SEPTIN10: variants seen among roughly 807,000 people sequenced by gnomAD.
SEPTIN10 encodes septin-10.
Under a neutral mutation model 54.8 loss-of-function variants are expected in SEPTIN10, and 66 were observed. The ratio of observed to expected loss-of-function variants is 1.21; its 90% CI spans 0.99 to 1.48. SEPTIN10 has a LOEUF of 1.48. Ranked by LOEUF, SEPTIN10 falls within the 40% of genes most tolerant of loss-of-function variation. The pLI is 0.00. For synonymous variants in SEPTIN10, 161 were observed against 181.0 expected (o/e 0.89, Z 0.89); for missense variants, 620 against 545.6 (o/e 1.14, Z -1.36).
At chr2:109,613,669 G>A (rs1699806989) in intron 1 of SEPTIN10, 129 bp downstream of exon 1, 1 of 600,840 alleles carries the variant, frequency 1.7e-6, no homozygotes, top group East Asian at 4.2e-5. Context: ...GGGAGCACTG[G>A]GCGGGCGGGG....
intron 1 of SEPTIN10, among the ~76,000 whole-genome samples, chr2:109,599,523 A>G (rs1287380733): frequency 6.6e-6 from 1 of 151,968 alleles, no homozygotes; most frequent in Non-Finnish European, 1.5e-5. Flanking sequence ...AGGCAGCAGC[A>G]AGTTGGCCTC....
At chr2:109,574,217 T>G (rs1221714345) in intron 5 of SEPTIN10, among the ~76,000 whole-genome samples, 1 of 151,024 alleles carries the variant, frequency 6.6e-6, no homozygotes, top group Non-Finnish European at 1.5e-5. Flanking sequence ...GGAAGGAAAA[T>G]CACTTAAGTC....
At chr2:109,585,586 TCTAAACAA>T in intron 3 of SEPTIN10, 127 bp downstream of exon 3, 1 of 759,748 alleles carries the variant, frequency 1.3e-6, no homozygotes, top group Non-Finnish European at 2.2e-6. Context: ...ACTAACAGAA[TCTAAACAA>T]CTAAAGAGAA....
At position 109,565,634 on chromosome 2, in the gene SEPTIN10, A is replaced by G. The variant is rs1011007490; in HGVS notation, c.859+129T>C. 1.2e-5 allele frequency: 10 copies of G among 812,200 alleles called. No individual in the cohort carries two copies. The African/African-American group carries it at 1.5e-4, about 12-fold the overall frequency. 50.3% of individuals were successfully genotyped at this position (812,200 alleles called of 1,614,324 possible). ...ACACGGCCTCCAGACTTTGGCTAAA[A>G]TAGTACACAGCCAATTCCTCTGACA... is the stretch of plus-strand genomic sequence containing the variant. On this transcript the variant is annotated intron_variant, in intron 7 of 10. Transcript: ENST00000397712.
At chr2:109,584,059 T>C (rs370676833) in intron 4 of SEPTIN10, among the ~76,000 whole-genome samples, 7 of 152,198 alleles carry the variant, frequency 4.6e-5, no homozygotes, top group African/African-American at 9.7e-5. Context: ...ACCTGGGTAA[T>C]TGGATCACTT....
chr2:109,586,643 G>A (rs1468668898), intron 2 of SEPTIN10, among the ~76,000 whole-genome samples: 2 of 152,198 alleles, frequency 1.3e-5, no homozygotes, highest in African/African-American at 4.8e-5. Flanking sequence ...GATCCCAGAA[G>A]GGGGAAAATG....
chr2:109,603,918 T>C (rs910897380), intron 1 of SEPTIN10, among the ~76,000 whole-genome samples: 2 of 151,794 alleles, frequency 1.3e-5, no homozygotes, highest in African/African-American at 2.4e-5. Context: ...TCCCAGCACT[T>C]TGGGAGGCCG....
chr2:109,572,419 C>T (rs1688621611), intron 5 of SEPTIN10, among the ~76,000 whole-genome samples: 1 of 151,472 alleles, frequency 6.6e-6, no homozygotes, highest in South Asian at 2.1e-4. Flanking sequence ...AGGCACGAGC[C>T]ACCGTACCTG....
chr2:109,579,750 A>T (rs1347756346), intron 4 of SEPTIN10, among the ~76,000 whole-genome samples: 1 of 152,032 alleles, frequency 6.6e-6, no homozygotes, highest in Non-Finnish European at 1.5e-5. Context: ...TCTTATGCAA[A>T]TTTTTCCAGA....
At chr2:109,565,086 G>A (rs971629931) in intron 7 of SEPTIN10, among the ~76,000 whole-genome samples, 4 of 151,856 alleles carry the variant, frequency 2.6e-5, no homozygotes, top group Non-Finnish European at 4.4e-5. Flanking sequence ...GTGACCAGAG[G>A]ACTACAAATA....
At chr2:109,589,225 C>T (rs1266207139) in intron 2 of SEPTIN10, among the ~76,000 whole-genome samples, 1 of 152,108 alleles carries the variant, frequency 6.6e-6, no homozygotes, top group Admixed American at 6.6e-5. Flanking sequence ...ACACCGCAAC[C>T]TCCACCTCCC....
In SEPTIN10 at chr2:109,546,034, T is replaced by A; in HGVS notation, c.1349+16A>T. Reference sequence around the variant, plus strand: ...GTGTGGGCAGGGCTGCCAGGGAGGGTGGCTGGGCCTCTTACTTCTTACGGT... The same window carrying A: ...GTGTGGGCAGGGCTGCCAGGGAGGGAGGCTGGGCCTCTTACTTCTTACGGT... On this transcript the variant is annotated intron_variant, in intron 10 of 10. Coordinates refer to ENST00000397712, the MANE Select transcript of SEPTIN10 (RefSeq NM_144710.5). 6.5e-7 allele frequency: 1 copy of A among 1,549,718 alleles called. No individual in the cohort carries two copies. Among genetic ancestry groups the A allele is most frequent in the Non-Finnish European group, 8.7e-7 (1 of 1,153,282 alleles).
intron 1 of SEPTIN10, among the ~76,000 whole-genome samples, chr2:109,607,099 G>T (rs557645404): frequency 2.0e-5 from 3 of 152,180 alleles, no homozygotes; most frequent in South Asian, 4.1e-4. Context: ...CCATCGCTTC[G>T]TTTACTATTT....
chr2:109,582,587 C>G (rs528032588), intron 4 of SEPTIN10, among the ~76,000 whole-genome samples: 5 of 152,162 alleles, frequency 3.3e-5, no homozygotes, highest in African/African-American at 1.2e-4. Flanking sequence ...TCCCAGAGTG[C>G]TAGGATTACA....
intron 2 of SEPTIN10, among the ~76,000 whole-genome samples, chr2:109,588,850 T>TAAAAAA (rs59135205): frequency 1.8e-5 from 2 of 111,440 alleles, no homozygotes; most frequent in Non-Finnish European, 1.8e-5. Context: ...CAATTACTAT[T>TAAAAAA]AAAAAAAAAA....
chr2:109,593,052 A>G lies in SEPTIN10; in HGVS notation c.98T>C (p.Ile33Thr). ...TATCTATTTAAAAGACATACTCACT[A>G]TCTGTTCATCATCTGATCCTTGTGA... ...MSSQGSDDEQ[I>T]KRENIRSLTM... Residue 33 changes from isoleucine (I) to threonine (T), a missense_variant and splice_region_variant, in exon 2 of 11, where the codon ATA becomes ACA. Physicochemically the swap from Ile to Thr is moderately conservative, Grantham distance 89 (BLOSUM62 -1). Transcript: ENST00000397712. 6.3e-7 allele frequency: 1 copy of G among 1,583,442 alleles called. No homozygotes were observed. Among genetic ancestry groups the G allele is most frequent in the Non-Finnish European group, 8.6e-7 (1 of 1,165,916 alleles).
At chr2:109,593,794 A>C (rs1208658238) in intron 1 of SEPTIN10, among the ~76,000 whole-genome samples, 1 of 152,204 alleles carries the variant, frequency 6.6e-6, no homozygotes, top group East Asian at 1.9e-4. Context: ...ACAAATGTCA[A>C]GAATGCTACA....
chr2:109,597,586 T>C (rs1054154735), intron 1 of SEPTIN10, among the ~76,000 whole-genome samples: 3 of 152,208 alleles, frequency 2.0e-5, no homozygotes, highest in Non-Finnish European at 2.9e-5. Flanking sequence ...ACACAGTCAA[T>C]TTGCTTTTCC....
At chr2:109,564,643 G>T in intron 7 of SEPTIN10, 109 bp from the exon 8 acceptor site, 2 of 959,482 alleles carry the variant, frequency 2.1e-6, no homozygotes, top group Non-Finnish European at 2.9e-6. Context: ...ACAACAAATA[G>T]CAAATGATCA....
Sources: allele counts gnomAD v4.1 joint callset (sites outside exome capture counted in the v4.1 genomes callset), GRCh38; gene constraint gnomAD v4.1.1; transcripts MANE v1.5; gene names NCBI Gene and HGNC (gene_info 2026-07-23, HGNC 2026-07-21).